Variants in DACH2 observed in about 807,000 individuals in gnomAD.
DACH2 encodes the protein dachshund homolog 2.
In DACH2, 17 loss-of-function variants were observed where a neutral mutation model predicts 35.8. The observed-to-expected ratio is 0.48, with a 90% CI of 0.33 to 0.71. DACH2 has a LOEUF of 0.71. Ranked by LOEUF, DACH2 falls within the 30% of genes least tolerant of loss-of-function variation. DACH2 has a pLI of 0.02. For synonymous variants in DACH2, 195 were observed against 177.3 expected (o/e 1.10, Z -0.79); for missense variants, 469 against 472.7 (o/e 0.99, Z 0.07).
At chrX:86,274,028 G>T (rs2033861205) in intron 1 of DACH2, among the ~76,000 whole-genome samples, 1 of 111,668 alleles carries the variant, frequency 9.0e-6, no homozygotes, top group Admixed American at 9.5e-5. Flanking sequence ...AAGTTTCAAG[G>T]TCAGCATTTC....
chrX:86,521,434 C>T (rs781153851), intron 3 of DACH2, among the ~76,000 whole-genome samples: 14 of 111,555 alleles, frequency 1.3e-4, no homozygotes, highest in Admixed American at 5.7e-4. Flanking sequence ...CTGAATTTGA[C>T]GGTTGACCTC....
chrX:86,168,748 T>A (rs2031027225), intron 1 of DACH2, among the ~76,000 whole-genome samples: 1 of 110,106 alleles, frequency 9.1e-6, no homozygotes, highest in Admixed American at 9.7e-5. Context: ...CTGAAAAAAC[T>A]ACACTTTGCA....
chrX:86,610,146 T>C (rs1405485351), intron 3 of DACH2, among the ~76,000 whole-genome samples: 1 of 111,457 alleles, frequency 9.0e-6, no homozygotes, highest in Non-Finnish European at 1.9e-5. Context: ...GTCTATCTGA[T>C]GTTCTGTTCT....
At chrX:86,180,176 GTATATATATATA>G (rs72366047) in intron 1 of DACH2, among the ~76,000 whole-genome samples, 12 of 42,915 alleles carry the variant, frequency 2.8e-4, no homozygotes, top group Middle Eastern at 0.018. Context: ...ATGCTAAACC[GTATATATATATA>G]TATATATATA....
chrX:86,201,505 G>A (rs888501850), intron 1 of DACH2, among the ~76,000 whole-genome samples: 1 of 111,045 alleles, frequency 9.0e-6, no homozygotes, highest in Non-Finnish European at 1.9e-5. Flanking sequence ...TCTCAGTTGT[G>A]GTTGTTGTTC....
chrX:86,696,804 C>A (rs2148445640), intron 5 of DACH2, among the ~76,000 whole-genome samples: 1 of 111,442 alleles, frequency 9.0e-6, no homozygotes, highest in Admixed American at 9.5e-5. Context: ...AGTTTTATTT[C>A]TAGGAGCCAT....
At chrX:86,484,078 G>T (rs1369403733) in intron 2 of DACH2, among the ~76,000 whole-genome samples, 1 of 110,588 alleles carries the variant, frequency 9.0e-6, no homozygotes, top group African/African-American at 3.3e-5. Context: ...TGCTTGGAGG[G>T]ATGATTTGTA....
At chrX:86,577,914 C>T (rs1050634518) in intron 3 of DACH2, among the ~76,000 whole-genome samples, 2 of 111,930 alleles carry the variant, frequency 1.8e-5, no homozygotes, top group Non-Finnish European at 3.8e-5. Context: ...CACCCCTTAC[C>T]ATATACCTTG....
At chrX:86,290,950 A>G in intron 1 of DACH2, among the ~76,000 whole-genome samples, 1 of 109,788 alleles carries the variant, frequency 9.1e-6, no homozygotes, top group Non-Finnish European at 1.9e-5. Context: ...TTTATTTCCA[A>G]TTCTGTGAAG....
chrX:86,468,027 C>G (rs2037701921), intron 2 of DACH2, among the ~76,000 whole-genome samples: 1 of 111,287 alleles, frequency 9.0e-6, no homozygotes, highest in South Asian at 3.8e-4. Flanking sequence ...AACCATATCA[C>G]TAACTTACCT....
chrX:86,204,341 T>C, intron 1 of DACH2, among the ~76,000 whole-genome samples: 1 of 112,212 alleles, frequency 8.9e-6, no homozygotes, highest in Non-Finnish European at 1.9e-5. Context: ...TGTTAAGAAA[T>C]GATACTGTTT....
intron 3 of DACH2, among the ~76,000 whole-genome samples, chrX:86,563,231 G>T (rs1253355633): frequency 9.1e-6 from 1 of 110,029 alleles, no homozygotes; most frequent in Non-Finnish European, 1.9e-5. Context: ...AGTTTTAAAG[G>T]AGTCAATGCC....
chrX:86,439,370 T>G (rs1177397471), intron 2 of DACH2, among the ~76,000 whole-genome samples: 1 of 112,241 alleles, frequency 8.9e-6, no homozygotes, highest in Non-Finnish European at 1.9e-5. Context: ...TTGTGTTGGT[T>G]ATTTCCTTTG....
At chrX:86,801,682 C>T (rs191710506) in intron 7 of DACH2, among the ~76,000 whole-genome samples, 1 of 112,058 alleles carries the variant, frequency 8.9e-6, no homozygotes, top group African/African-American at 3.2e-5. Context: ...ACTGTGAATT[C>T]TGTGTTATAC....
At chrX:86,511,806 G>T (rs1330752755) in intron 2 of DACH2, among the ~76,000 whole-genome samples, 2 of 111,701 alleles carry the variant, frequency 1.8e-5, no homozygotes, top group Non-Finnish European at 3.8e-5. Context: ...AAGTGAATAA[G>T]ACAATGGGAT....
intron 3 of DACH2, among the ~76,000 whole-genome samples, chrX:86,553,028 T>A (rs2039071062): frequency 9.0e-6 from 1 of 110,753 alleles, no homozygotes; most frequent in African/African-American, 3.3e-5. Flanking sequence ...ATAGGATAGA[T>A]GTATATATGA....
intron 7 of DACH2, among the ~76,000 whole-genome samples, chrX:86,769,748 A>C: frequency 9.0e-6 from 1 of 111,708 alleles, no homozygotes; most frequent in Non-Finnish European, 1.9e-5. Context: ...GTTGGGATAA[A>C]GTTATTTCAC....
chrX:86,814,067 C>T (rs189636915), intron 9 of DACH2, among the ~76,000 whole-genome samples: 4 of 110,574 alleles, frequency 3.6e-5, no homozygotes, highest in Non-Finnish European at 3.8e-5. Context: ...CCATCATTGA[C>T]GGAAATCTCA....
intron 2 of DACH2, among the ~76,000 whole-genome samples, chrX:86,393,471 G>A (rs1453949962): frequency 8.9e-6 from 1 of 112,144 alleles, no homozygotes; most frequent in Non-Finnish European, 1.9e-5. Context: ...GATAAACAAA[G>A]GTGGTTAAGG....
Sources: gnomAD v4.1 joint callset for allele counts (sites outside exome capture counted in the v4.1 genomes callset) on GRCh38, gnomAD v4.1.1 for gene constraint, MANE v1.5 for transcripts, NCBI Gene and HGNC (gene_info 2026-07-23, HGNC 2026-07-21) for gene names.